Variants in ROS1 observed in about 807,000 individuals in gnomAD.
ROS1 encodes the protein proto-oncogene tyrosine-protein kinase ROS.
Under a neutral mutation model 273.5 loss-of-function variants are expected in ROS1, and 263 were observed. The observed-to-expected ratio is 0.96, with a 90% CI of 0.87 to 1.06. The LOEUF (loss-of-function observed/expected upper bound fraction) is 1.06, where lower values mean the gene tolerates loss of function less well. ROS1 is among the 50% of genes least tolerant of loss of function. The probability of loss-of-function intolerance (pLI) is 0.00; values close to 1 mark genes in which losing one functional copy is unlikely to be tolerated. For synonymous variants in ROS1, 1,008 were observed against 954.1 expected, an observed-to-expected ratio of 1.06 and a Z score of -1.04; for missense variants, 2,833 against 2,751.1, an observed-to-expected ratio of 1.03 and a Z score of -0.67.
chr6:117,352,996 A>G lies in ROS1; in HGVS notation c.4297T>C (p.Phe1433Leu). The change falls in exon 27 of 44, where the codon TTT (phenylalanine) becomes CTT (leucine). Residue 1433 changes from phenylalanine (F) to leucine (L), a missense_variant. Transcript: ENST00000368507. ...ILAYSSVMQP[F>L]PDKAFLSLAS... Reference sequence around the variant, plus strand: ...ACGAATGTGACTTTATTACCTGGAAAAGGCTGCATAACTGAACTGTAAGCC... The same window carrying G: ...ACGAATGTGACTTTATTACCTGGAAGAGGCTGCATAACTGAACTGTAAGCC... The G allele has an allele frequency of 2.5e-6, 4 of 1,610,714 alleles. No individual in the cohort carries two copies. Among genetic ancestry groups the G allele is most frequent in the Non-Finnish European group, 3.4e-6 (4 of 1,179,102 alleles).
chr6:117,399,311 T>C (rs1027928321), intron 7 of ROS1, among the ~76,000 whole-genome samples: 1 of 152,200 alleles, frequency 6.6e-6, no homozygotes, highest in Non-Finnish European at 1.5e-5. Context: ...ACATATGGCA[T>C]TGCTTGGAAC....
intron 26 of ROS1, among the ~76,000 whole-genome samples, chr6:117,356,170 T>A (rs1372469363): frequency 6.6e-6 from 1 of 152,078 alleles, no homozygotes; most frequent in East Asian, 1.9e-4. Flanking sequence ...AAAGTGGAAA[T>A]AATTTAGGAT....
rs373796868 is a variant in ROS1 at position 117,404,294 on chromosome 6, A to G, written c.451T>C (p.Trp151Arg). Residue 151 changes from tryptophan (W) to arginine (R), a missense_variant, in exon 6 of 44, where the codon TGG becomes CGG. Coordinates refer to ENST00000368507, the MANE Select transcript of ROS1 (RefSeq NM_001378902.1). ...QWKYAQLLGSWTYTKTVSRPS... is the reference protein window; with the variant it reads ...QWKYAQLLGSRTYTKTVSRPS... Reference sequence around the variant, plus strand: ...GCCTTTCATACCTTAGTATAAGTCCAGCTTCCCAGAAGTTGTGCATATTTC... The same window carrying G: ...GCCTTTCATACCTTAGTATAAGTCCGGCTTCCCAGAAGTTGTGCATATTTC... 3.6e-4 allele frequency: 581 copies of G among 1,613,924 alleles called. 6 individuals are homozygous for G. The South Asian group carries it at 6.0e-3, about 17-fold the overall frequency.
chr6:117,382,117 T>C (rs2128690620), intron 17 of ROS1, among the ~76,000 whole-genome samples: 1 of 152,244 alleles, frequency 6.6e-6, no homozygotes, highest in Non-Finnish European at 1.5e-5. Context: ...AAAATGCTTT[T>C]CCCTAACAAT....
In ROS1 at chr6:117,288,564, G is replaced by A. The variant is rs1459307793; in HGVS notation, c.6954C>T (p.Cys2318=). The A allele has an allele frequency of 6.2e-7, 1 of 1,614,108 alleles. No homozygotes were observed. The highest frequency in any genetic ancestry group is 2.2e-5 in the East Asian group (1 of 44,866). ...TCAGGCCTTCAGGCTTGCCAGAAGG[G>A]CAGTAAGCCACTTGTTTTTCTTGGC... The part of the protein sequence containing the change: ...DFCQEKQVAY[C]PSGKPEGLNY... The change falls in exon 44 of 44, where the codon TGC becomes TGT. Residue 2318 remains cysteine (C), a synonymous_variant. Coordinates refer to ENST00000368507, the MANE Select transcript of ROS1 (RefSeq NM_001378902.1).
At chr6:117,295,321 A>G (rs1287010931) in intron 43 of ROS1, among the ~76,000 whole-genome samples, 1 of 152,206 alleles carries the variant, frequency 6.6e-6, no homozygotes, top group African/African-American at 2.4e-5. Context: ...ATCTCTCTAC[A>G]TATACAAAAA....
rs1273188915 is a variant in ROS1 at position 117,321,343 on chromosome 6, A to T, written c.5675T>A (p.Val1892Glu). The change falls in exon 36 of 44, where the codon GTG becomes GAG. Residue 1892 changes from valine (V) to glutamate (E), a missense_variant. Val to Glu is a moderately radical substitution (Grantham distance 121, BLOSUM62 -2). Transcript: ENST00000368507. Reference protein sequence around the residue: ...NQKSAKEGVTVLINEDKELAE... With the variant: ...NQKSAKEGVTELINEDKELAE... ...CAACTCTTTGTCTTCGTTTATAAGC[A>T]CTGTCACCCCTTCCTTGGCACTTTT... is the stretch of plus-strand genomic sequence containing the variant. 1.2e-6 allele frequency: 2 copies of T among 1,613,602 alleles called. No individual in the cohort carries two copies. Among genetic ancestry groups the T allele is most frequent in the East Asian group, 4.5e-5 (2 of 44,842 alleles).
chr6:117,365,022 G>A, intron 21 of ROS1, 38 bp downstream of exon 21: 1 of 1,590,794 alleles, frequency 6.3e-7, no homozygotes, highest in Non-Finnish European at 8.6e-7. Flanking sequence ...GTGAGATTCT[G>A]CTTTTTTAAG....
At chr6:117,393,197 A>C in intron 12 of ROS1, 27 bp downstream of exon 12, 2 of 1,265,520 alleles carry the variant, frequency 1.6e-6, no homozygotes, top group Non-Finnish European at 2.3e-6. Context: ...ATGGAAGAGA[A>C]TTCATCTTTA....
intron 27 of ROS1, among the ~76,000 whole-genome samples, chr6:117,350,326 A>G (rs1002571694): frequency 6.6e-6 from 1 of 151,978 alleles, no homozygotes; most frequent in African/African-American, 2.4e-5. Context: ...TCTTGCTTAT[A>G]TAGTTTCTGA....
In ROS1 at chr6:117,341,531, C is replaced by T. The variant is rs1777925811; in HGVS notation, c.4753G>A (p.Val1585Ile). ...TGTGAGATTGCCAACTGATAACGGA[C>T]TGATTCTTTAGGTCCATTTGGCTTG... Reference protein sequence around the residue: ...SHKPNGPKESVRYQLAISHLA... With the variant: ...SHKPNGPKESIRYQLAISHLA... The change falls in exon 30 of 44, where the codon GTC becomes ATC. Residue 1585 changes from valine (V) to isoleucine (I), a missense_variant. Coordinates refer to ENST00000368507, the MANE Select transcript of ROS1 (RefSeq NM_001378902.1). 6.2e-7 allele frequency: 1 copy of T among 1,613,736 alleles called. No individual in the cohort carries two copies. Among genetic ancestry groups the T allele is most frequent in the Non-Finnish European group, 8.5e-7 (1 of 1,179,752 alleles).
rs147277840 is a variant in ROS1 at position 117,317,148 on chromosome 6, C to A, written c.6112G>T (p.Ala2038Ser). 1.2e-6 allele frequency: 2 copies of A among 1,611,450 alleles called. No homozygotes were observed. Among genetic ancestry groups the A allele is most frequent in the Non-Finnish European group, 1.7e-6 (2 of 1,178,992 alleles). Residue 2038 changes from alanine (A) to serine (S), a missense_variant, in exon 39 of 44, where the codon GCA becomes TCA. Ala to Ser is a moderately conservative substitution (Grantham distance 99, BLOSUM62 1). Coordinates refer to ENST00000368507, the MANE Select transcript of ROS1 (RefSeq NM_001378902.1). Reference protein sequence around the residue: ...LLTYLRKARMATFYGPLLTLV... With the variant: ...LLTYLRKARMSTFYGPLLTLV... The stretch of plus-strand genomic sequence containing the variant: ...TATGGATCCCAACTGCCTACCGTTG[C>A]CATCCGGGCTTTACGCAAATAAGTA...
intron 5 of ROS1, 109 bp downstream of exon 5, chr6:117,409,473 T>G: frequency 6.4e-6 from 5 of 777,684 alleles, no homozygotes; most frequent in Non-Finnish European, 1.1e-5. Context: ...TTGATCATAT[T>G]GAGATGCAGA....
intron 27 of ROS1, among the ~76,000 whole-genome samples, chr6:117,350,830 A>C (rs1246872922): frequency 2.0e-5 from 3 of 151,430 alleles, no homozygotes; most frequent in Non-Finnish European, 4.4e-5. Flanking sequence ...TTTATCTCTA[A>C]CATTTCTTTT....
intron 42 of ROS1, among the ~76,000 whole-genome samples, chr6:117,304,015 A>T (rs750321304): frequency 6.6e-5 from 10 of 152,222 alleles, no homozygotes; most frequent in Non-Finnish European, 1.2e-4. Context: ...ACACCATATC[A>T]GAATAAATGG....
intron 31 of ROS1, 136 bp from the exon 32 acceptor site, chr6:117,337,476 A>AG (rs1777568159): frequency 3.0e-6 from 2 of 657,834 alleles, no homozygotes; most frequent in Middle Eastern, 8.8e-4. Flanking sequence ...TTCTTTATGA[A>AG]TGATCCCAAA....
At chr6:117,383,184 A>C in intron 17 of ROS1, 133 bp downstream of exon 17, 35 of 643,264 alleles carry the variant, frequency 5.4e-5, no homozygotes, top group Non-Finnish European at 7.9e-5. Flanking sequence ...AAACTTGGTT[A>C]AACCAAGATC....
chr6:117,360,800 T>C (rs7738672), intron 22 of ROS1, among the ~76,000 whole-genome samples: 63,063 of 151,842 alleles, frequency 0.42, 14,105 homozygotes, highest in African/African-American at 0.59. Flanking sequence ...CAATTGAATA[T>C]TTTTAAATAA....
chr6:117,352,357 T>C lies in ROS1; in HGVS notation c.4303+633A>G, dbSNP rs534223454. On this transcript the variant is annotated intron_variant, in intron 27 of 43. Coordinates refer to ENST00000368507, the MANE Select transcript of ROS1 (RefSeq NM_001378902.1). ...TATAGTCAGTTCTGCTATAACATGA[T>C]ACATGCCTTTCTAGGAATCATTGCA... Among the ~76,000 whole-genome samples the C allele has an allele frequency of 3.0e-3, 461 of 152,324 alleles. 4 individuals carry two copies. Among genetic ancestry groups the C allele is most frequent in the African/African-American group, 0.011 (450 of 41,558 alleles).
Sources: gnomAD v4.1 joint callset for allele counts (sites outside exome capture counted in the v4.1 genomes callset) on GRCh38, gnomAD v4.1.1 for gene constraint, MANE v1.5 for transcripts, NCBI Gene and HGNC (gene_info 2026-07-23, HGNC 2026-07-21) for gene names.